The following FAM227B variants were observed in gnomAD, a reference collection of about 807,000 sequenced individuals.
FAM227B encodes protein FAM227B.
A neutral mutation model predicts 73.8 loss-of-function variants in FAM227B; 88 were observed. The observed-to-expected ratio is 1.19, with a 90% CI of 1.00 to 1.42. FAM227B has a LOEUF of 1.42. Among genes scored for constraint, FAM227B ranks in the 40% most tolerant of loss-of-function variants. The pLI, the probability that FAM227B is intolerant of heterozygous loss-of-function variation, is 0.00. For synonymous variants in FAM227B, 210 were observed against 190.5 expected (o/e 1.10, Z -0.84); for missense variants, 632 against 590.9 (o/e 1.07, Z -0.72).
intron 11 of FAM227B, among the ~76,000 whole-genome samples, chr15:49,473,259 ATG>A (rs2054944654): frequency 1.2e-5 from 1 of 86,364 alleles, no homozygotes; most frequent in African/African-American, 3.0e-5. Flanking sequence ...TGAAGTCATG[ATG>A]ATGTTCACTA....
chr15:49,565,428 C>T (rs1023536269), intron 9 of FAM227B, among the ~76,000 whole-genome samples: 2 of 150,846 alleles, frequency 1.3e-5, no homozygotes, highest in African/African-American at 4.9e-5. Context: ...TAAGGGACTA[C>T]CAGTATCCTG....
chr15:49,394,430 G>C (rs1478984561), intron 11 of FAM227B, among the ~76,000 whole-genome samples: 1 of 152,138 alleles, frequency 6.6e-6, no homozygotes, highest in Non-Finnish European at 1.5e-5. Flanking sequence ...TAGTGCTGGA[G>C]AGTTGAAGAG....
intron 12 of FAM227B, among the ~76,000 whole-genome samples, chr15:49,368,874 G>C (rs1171925564): frequency 6.6e-6 from 1 of 152,152 alleles, no homozygotes; most frequent in Non-Finnish European, 1.5e-5. Context: ...TCCTCTATAA[G>C]AGTTCATGGT....
intron 11 of FAM227B, among the ~76,000 whole-genome samples, chr15:49,375,891 T>A (rs1417599758): frequency 6.6e-6 from 1 of 152,124 alleles, no homozygotes; most frequent in East Asian, 1.9e-4. Context: ...AGACTATCTT[T>A]ATTTTATAAC....
chr15:49,403,959 T>C (rs1030258809), intron 11 of FAM227B, among the ~76,000 whole-genome samples: 1 of 152,206 alleles, frequency 6.6e-6, no homozygotes, highest in African/African-American at 2.4e-5. Context: ...GTATGTTGCA[T>C]CTTTGTTCTC....
chr15:49,515,514 C>G (rs1597791135), intron 10 of FAM227B, among the ~76,000 whole-genome samples: 2 of 152,120 alleles, frequency 1.3e-5, no homozygotes, highest in South Asian at 4.1e-4. Flanking sequence ...GGCTTTTTTG[C>G]ATACCTTATA....
intron 11 of FAM227B, among the ~76,000 whole-genome samples, chr15:49,469,828 T>C (rs2054576985): frequency 6.6e-6 from 1 of 152,154 alleles, no homozygotes; most frequent in African/African-American, 2.4e-5. Context: ...ATTGTCATTA[T>C]CTTTCAATTT....
At chr15:49,364,541 A>C (rs960935621) in intron 13 of FAM227B, among the ~76,000 whole-genome samples, 12 of 152,174 alleles carry the variant, frequency 7.9e-5, no homozygotes, top group Non-Finnish European at 1.6e-4. Context: ...ATACACATGC[A>C]GTCTGAAGTA....
chr15:49,471,340 C>T (rs1257082915), intron 11 of FAM227B, among the ~76,000 whole-genome samples: 1 of 151,742 alleles, frequency 6.6e-6, no homozygotes, highest in Non-Finnish European at 1.5e-5. Flanking sequence ...CAAAAATTAG[C>T]TGGTGTGGTG....
intron 10 of FAM227B, among the ~76,000 whole-genome samples, chr15:49,533,842 T>C (rs868282576): frequency 1.1e-4 from 17 of 152,018 alleles, no homozygotes; most frequent in Middle Eastern, 3.4e-3. Flanking sequence ...TATCTTTTGA[T>C]TGGAGATTGT....
Position 49,352,514 on chromosome 15 carries a change from C to A in FAM227B, c.1271+14934G>T, listed in dbSNP as rs537627186. ...GCCTTCTGCCTTCAGTATCATCCCACCCCAGCAGCTGAAGGATGTCTTTTA... is the reference window on the plus strand; with the variant it reads ...GCCTTCTGCCTTCAGTATCATCCCAACCCAGCAGCTGAAGGATGTCTTTTA... On this transcript the variant is annotated intron_variant, in intron 13 of 15. Coordinates refer to ENST00000299338, the MANE Select transcript of FAM227B (RefSeq NM_152647.3). 4.6e-5 allele frequency among the ~76,000 whole-genome samples: 7 copies of A among 152,314 alleles called. No individual in the cohort carries two copies. In the East Asian group the frequency reaches 1.4e-3, roughly 29 times the overall value.
intron 9 of FAM227B, among the ~76,000 whole-genome samples, chr15:49,549,537 G>A (rs1208775892): frequency 1.3e-5 from 2 of 151,870 alleles, no homozygotes; most frequent in African/African-American, 4.8e-5. Flanking sequence ...GACTCTTAAC[G>A]AGCATGCTGC....
At chr15:49,583,250 G>C (rs554177531) in intron 5 of FAM227B, among the ~76,000 whole-genome samples, 56 of 149,940 alleles carry the variant, frequency 3.7e-4, no homozygotes, top group African/African-American at 1.1e-3. Context: ...CTAATAAAGA[G>C]GAAAACAGAG....
At chr15:49,436,133 A>C (rs1452360767) in intron 11 of FAM227B, among the ~76,000 whole-genome samples, 1 of 151,572 alleles carries the variant, frequency 6.6e-6, no homozygotes, top group Non-Finnish European at 1.5e-5. Context: ...CTGTTTTAAA[A>C]TTATACATGG....
intron 11 of FAM227B, among the ~76,000 whole-genome samples, chr15:49,479,367 C>T (rs2055672023): frequency 6.6e-6 from 1 of 152,026 alleles, no homozygotes; most frequent in African/African-American, 2.4e-5. Context: ...CTGGGTACTA[C>T]TTAATGTGAA....
At chr15:49,388,709 T>C (rs2047029092) in intron 11 of FAM227B, among the ~76,000 whole-genome samples, 1 of 151,888 alleles carries the variant, frequency 6.6e-6, no homozygotes, top group African/African-American at 2.4e-5. Context: ...ACCCACAGAA[T>C]GGGAGAAAAT....
intron 11 of FAM227B, among the ~76,000 whole-genome samples, chr15:49,373,470 T>C (rs2045971202): frequency 6.6e-6 from 1 of 152,132 alleles, no homozygotes; most frequent in Non-Finnish European, 1.5e-5. Flanking sequence ...ATAGTTTTAG[T>C]GCTTCTTCTG....
chr15:49,415,838 C>G (rs563558552), intron 11 of FAM227B, among the ~76,000 whole-genome samples: 1 of 152,078 alleles, frequency 6.6e-6, no homozygotes. Context: ...AGGGTAAGCA[C>G]AAGTTTACAT....
intron 11 of FAM227B, among the ~76,000 whole-genome samples, chr15:49,464,640 T>C (rs1225445710): frequency 6.6e-6 from 1 of 152,210 alleles, no homozygotes; most frequent in East Asian, 1.9e-4. Flanking sequence ...CTTGCAAAAA[T>C]GACACCAATA....
Sources: gnomAD v4.1 joint callset for allele counts (sites outside exome capture counted in the v4.1 genomes callset) on GRCh38, gnomAD v4.1.1 for gene constraint, MANE v1.5 for transcripts, NCBI Gene and HGNC (gene_info 2026-07-23, HGNC 2026-07-21) for gene names.